CNTN2: variants seen among roughly 807,000 people sequenced by gnomAD.
CNTN2 encodes contactin 2, also known as contactin-2.
A neutral mutation model predicts 117.5 loss-of-function variants in CNTN2; 53 were observed. The ratio of observed to expected loss-of-function variants is 0.45; its 90% CI spans 0.36 to 0.57. CNTN2 has a LOEUF of 0.57. Among genes scored for constraint, CNTN2 ranks in the 20% least tolerant of loss-of-function variants. The pLI is 0.00. For synonymous variants in CNTN2, 530 were observed against 561.7 expected, an observed-to-expected ratio of 0.94 and a Z score of 0.80; for missense variants, 1,106 against 1,404.3, an observed-to-expected ratio of 0.79 and a Z score of 3.39.
intron 2 of CNTN2, among the ~76,000 whole-genome samples, chr1:205,055,220 G>T (rs573715235): frequency 6.6e-6 from 1 of 152,236 alleles, no homozygotes; most frequent in Middle Eastern, 3.4e-3. Context: ...CACCATGTTG[G>T]CCAGGCTGGT....
At chr1:205,057,872 T>C in intron 2 of CNTN2, 49 bp from the exon 3 acceptor site, 2 of 1,593,922 alleles carry the variant, frequency 1.3e-6, no homozygotes, top group Non-Finnish European at 8.6e-7. Context: ...GAGGCCAGGC[T>C]CCAGCCAGGC....
Position 205,061,306 on chromosome 1 carries a change from G to A in CNTN2, c.859G>A (p.Ala287Thr), listed in dbSNP as rs1653966883. ...CTCCCTGTCCCCGCAGTGGACCACA[G>A]CTGAGCCCACCCTGCAGATCCCCAG... is the stretch of plus-strand genomic sequence containing the variant. Reference protein sequence around the residue: ...DGSLSPQWTTAEPTLQIPSVS... With the variant: ...DGSLSPQWTTTEPTLQIPSVS... The change falls in exon 8 of 23, where the codon GCT becomes ACT. Residue 287 changes from alanine to threonine, a missense_variant. Coordinates refer to ENST00000331830, the MANE Select transcript of CNTN2 (RefSeq NM_005076.5). The surrounding 1 kb of genome is among the most constrained non-coding windows in gnomAD (Gnocchi z 4.8). 1 of 1,614,168 alleles carries A rather than the reference G, an allele frequency of 6.2e-7. No individual in the cohort carries two copies. Among genetic ancestry groups the A allele is most frequent in the East Asian group, 2.2e-5 (1 of 44,878 alleles).
At chr1:205,049,773 G>A (rs949066143) in intron 1 of CNTN2, among the ~76,000 whole-genome samples, 25 of 152,200 alleles carry the variant, frequency 1.6e-4, no homozygotes, top group African/African-American at 5.8e-4. Context: ...CAGTGCCAAC[G>A]GGGTGATTTT....
chr1:205,059,429 C>T lies in CNTN2; in HGVS notation c.697+136C>T, dbSNP rs959844341. On this transcript the variant is annotated intron_variant, in intron 6 of 22. Transcript: ENST00000331830. The surrounding 1 kb of genome is among the most constrained non-coding windows in gnomAD (Gnocchi z 5.6). ...CCAGGCCCTGGACCCCCAGATCCTC[C>T]TGCTTCAAATCCTGAGGCCCTTGCC... is the stretch of plus-strand genomic sequence containing the variant. 1 of 1,152,400 alleles carries T rather than the reference C, an allele frequency of 8.7e-7. No homozygotes were observed. Among genetic ancestry groups the T allele is most frequent in the Non-Finnish European group, 1.3e-6 (1 of 792,652 alleles). The allele number at this position is 1,152,400 out of a possible 1,614,324, so 71.4% of individuals were successfully genotyped here. A position where few individuals can be genotyped will look rare whatever the true frequency, so the allele number is the denominator to read the frequency against.
Position 205,059,787 on chromosome 1 carries a change from C to T in CNTN2, c.797+105C>T, listed in dbSNP as rs10793725. The T allele has an allele frequency of 0.43, 389,113 of 914,758 alleles. 92,074 individuals carry two copies. Among genetic ancestry groups the T allele is most frequent in the Non-Finnish European group, 0.51 (290,393 of 564,606 alleles). 56.7% of individuals were successfully genotyped at this position (914,758 alleles called of 1,614,324 possible). A position where few individuals can be genotyped will look rare whatever the true frequency, so the allele number is the denominator to read the frequency against. On this transcript the variant is annotated intron_variant, in intron 7 of 22. Transcript: ENST00000331830. This position sits in a 1 kb window ranked among gnomAD's most constrained non-coding sequence, Gnocchi z 5.6. ...AGGGCTCTTATCTTGGTGTCCCTCACAGGGTCTAGCAAAGTACTGGGCACA... is the reference window on the plus strand; with the variant it reads ...AGGGCTCTTATCTTGGTGTCCCTCATAGGGTCTAGCAAAGTACTGGGCACA...
At chr1:205,052,758 G>A (rs187954115) in intron 1 of CNTN2, among the ~76,000 whole-genome samples, 24 of 152,304 alleles carry the variant, frequency 1.6e-4, no homozygotes, top group Admixed American at 3.3e-4. Context: ...GTTCTCTTCC[G>A]GCCTCGCCTC....
At position 205,066,539 on chromosome 1, in the gene CNTN2, G is replaced by A. The variant is rs562711151; in HGVS notation, c.1915G>A (p.Ala639Thr). 69 of 1,614,130 alleles carry A rather than the reference G, an allele frequency of 4.3e-5. No homozygotes were observed. Among genetic ancestry groups the A allele is most frequent in the Non-Finnish European group, 5.2e-5 (61 of 1,180,044 alleles). Reference sequence around the variant, plus strand: ...TGGCTTCGACAACCACAGCCCCATCGCTAAGTACACCCTGCAAGCTCGCAC... The same window carrying A: ...TGGCTTCGACAACCACAGCCCCATCACTAAGTACACCCTGCAAGCTCGCAC... ...SRGFDNHSPIAKYTLQARTPP... is the reference protein window; with the variant it reads ...SRGFDNHSPITKYTLQARTPP... The change falls in exon 15 of 23, where the codon GCT becomes ACT. Residue 639 changes from alanine to threonine, a missense_variant. Physicochemically the swap from Ala to Thr is moderately conservative, Grantham distance 58 (BLOSUM62 0). Coordinates refer to ENST00000331830, the MANE Select transcript of CNTN2 (RefSeq NM_005076.5).
At position 205,058,283 on chromosome 1, in the gene CNTN2, CG is replaced by C; in HGVS notation, c.322del (p.Val108SerfsTer36). ...IMNPTKAQDAGVYQCLASNPV... is the reference protein window; with the variant it reads ...IMNPTKAQDAXVYQCLASNPV... ...TGAACCCCACCAAGGCACAGGATGCCGGGGTCTACCAGTGCCTGGCCTCCAA... is the reference window on the plus strand; with the variant it reads ...TGAACCCCACCAAGGCACAGGATGCCGGGTCTACCAGTGCCTGGCCTCCAA... On this transcript the variant is annotated frameshift_variant, in exon 4 of 23. Transcript: ENST00000331830. LOFTEE classifies it high-confidence loss of function. The surrounding 1 kb of genome is among the most constrained non-coding windows in gnomAD (Gnocchi z 4.3). 6.5e-7 allele frequency: 1 copy of C among 1,534,812 alleles called. No individual in the cohort carries two copies. The highest frequency in any genetic ancestry group is 8.8e-7 in the Non-Finnish European group (1 of 1,140,636).
Position 205,073,365 on chromosome 1 carries a change from C to T in CNTN2, c.3013+129C>T, listed in dbSNP as rs145154733. 8.5e-7 allele frequency: 1 copy of T among 1,183,200 alleles called. No homozygotes were observed. The highest frequency in any genetic ancestry group is 1.2e-6 in the Non-Finnish European group (1 of 842,014). The allele number at this position is 1,183,200 out of a possible 1,614,324, so 73.3% of individuals were successfully genotyped here. On this transcript the variant is annotated intron_variant, in intron 22 of 22. Transcript: ENST00000331830. The surrounding 1 kb of genome is among the most constrained non-coding windows in gnomAD (Gnocchi z 6.3). ...AGGAAAGTGGAAGGCAGGCAGGAAC[C>T]AAGTGCAAAGTAGTCTTAGAACTGC...
At position 205,047,645 on chromosome 1, in the gene CNTN2, G is replaced by A. The variant is rs572711107; in HGVS notation, c.-87+4251G>A. ...CCTATGACCATTGCACCTTTGAGGC[G>A]TAAGAGGAGGGAGGCACCTGCCCAG... On this transcript the variant is annotated intron_variant, in intron 1 of 22. Coordinates refer to ENST00000331830, the MANE Select transcript of CNTN2 (RefSeq NM_005076.5). Among the ~76,000 whole-genome samples the A allele has an allele frequency of 1.1e-4, 17 of 152,270 alleles. No homozygotes were observed. In the South Asian group the frequency reaches 2.7e-3, roughly 24 times the overall value.
At position 205,070,202 on chromosome 1, in the gene CNTN2, C is replaced by T. The variant is rs1041943958; in HGVS notation, c.2431+141C>T. Reference sequence around the variant, plus strand: ...GACACCTGGGTTCCACATCATTGGCCTCACTTCCAGCTCTTGCTACCTTGT... The same window carrying T: ...GACACCTGGGTTCCACATCATTGGCTTCACTTCCAGCTCTTGCTACCTTGT... On this transcript the variant is annotated intron_variant, in intron 18 of 22. Coordinates refer to ENST00000331830, the MANE Select transcript of CNTN2 (RefSeq NM_005076.5). The T allele has an allele frequency of 9.5e-6, 8 of 844,248 alleles. No homozygotes were observed. The African/African-American group carries it at 1.0e-4, about 11-fold the overall frequency. 52.3% of individuals were successfully genotyped at this position (844,248 alleles called of 1,614,324 possible).
In CNTN2 at chr1:205,058,677, T is replaced by G; in HGVS notation, c.487+14T>G. 1 of 1,606,890 alleles carries G rather than the reference T, an allele frequency of 6.2e-7. No homozygotes were observed. Among genetic ancestry groups the G allele is most frequent in the Non-Finnish European group, 8.5e-7 (1 of 1,174,918 alleles). On this transcript the variant is annotated intron_variant, in intron 5 of 22. Transcript: ENST00000331830. The surrounding 1 kb of genome is among the most constrained non-coding windows in gnomAD (Gnocchi z 4.3). ...CCCACTACCCAGGTGAGTCCAGACC[T>G]GGGGCCAGGGTTAGAGAGGGCACAG...
Position 205,072,606 on chromosome 1 carries a change from A to C in CNTN2, c.2844+11A>C, listed in dbSNP as rs377297728. On this transcript the variant is annotated intron_variant, in intron 21 of 22. Coordinates refer to ENST00000331830, the MANE Select transcript of CNTN2 (RefSeq NM_005076.5). ...GTCACCGGCTATAAGGTGAGGAAGC[A>C]ATCAGCTAGGCCCAGAATGGGAAGG... is the stretch of plus-strand genomic sequence containing the variant. The C allele has an allele frequency of 4.2e-5, 67 of 1,589,950 alleles. No individual in the cohort carries two copies. In the African/African-American group the frequency reaches 7.2e-4, roughly 17 times the overall value.
At chr1:205,044,644 C>G (rs2096438208) in intron 1 of CNTN2, among the ~76,000 whole-genome samples, 1 of 152,214 alleles carries the variant, frequency 6.6e-6, no homozygotes, top group Non-Finnish European at 1.5e-5. Context: ...TCGGCCTCCT[C>G]TCCCAACCGT....
In CNTN2 at chr1:205,065,244, C is replaced by T. The variant is rs770974958; in HGVS notation, c.1677C>T (p.His559=). The T allele has an allele frequency of 3.7e-6, 6 of 1,614,050 alleles. No homozygotes were observed. The African/African-American group carries it at 6.7e-5, about 18-fold the overall frequency. Residue 559 remains histidine (H), a synonymous_variant, in exon 13 of 23, where the codon CAC becomes CAT. Transcript: ENST00000331830. This position sits in a 1 kb window ranked among gnomAD's most constrained non-coding sequence, Gnocchi z 4.1. ...TCGACTTTGATAAGCCTGGAGGGCA[C>T]TACCGGAGAACTAATGTGGTGAGAC... The part of the protein sequence containing the change: ...FPIDFDKPGG[H]YRRTNVKETI...
Position 205,061,858 on chromosome 1 carries a change from C to T in CNTN2, c.974-7C>T. 1.3e-6 allele frequency: 2 copies of T among 1,509,638 alleles called. No individual in the cohort carries two copies. The highest frequency in any genetic ancestry group is 1.8e-6 in the Non-Finnish European group (2 of 1,128,460). 93.5% of individuals were successfully genotyped at this position (1,509,638 alleles called of 1,614,324 possible). On this transcript the variant is annotated splice_polypyrimidine_tract_variant and splice_region_variant and intron_variant, in intron 8 of 22. Transcript: ENST00000331830. This position sits in a 1 kb window ranked among gnomAD's most constrained non-coding sequence, Gnocchi z 4.8. ...CATGCCAGGTTTTCTTTTCCGGGCTCCCACAGCTCAGCCTGAGTGGCTAAA... is the reference window on the plus strand; with the variant it reads ...CATGCCAGGTTTTCTTTTCCGGGCTTCCACAGCTCAGCCTGAGTGGCTAAA...
In CNTN2 at chr1:205,073,422, A is replaced by G; in HGVS notation, c.3013+186A>G. 1 of 818,656 alleles carries G rather than the reference A, an allele frequency of 1.2e-6. No individual in the cohort carries two copies. The highest frequency in any genetic ancestry group is 2.7e-5 in the East Asian group (1 of 37,290). 50.7% of individuals were successfully genotyped at this position (818,656 alleles called of 1,614,324 possible). A position where few individuals can be genotyped will look rare whatever the true frequency, so the allele number is the denominator to read the frequency against. Reference sequence around the variant, plus strand: ...GCCACCTTTCTACCCAGCCCCCAGAACATCCCCGAGGGCCAGGGAAGGGCG... The same window carrying G: ...GCCACCTTTCTACCCAGCCCCCAGAGCATCCCCGAGGGCCAGGGAAGGGCG... On this transcript the variant is annotated intron_variant, in intron 22 of 22. Coordinates refer to ENST00000331830, the MANE Select transcript of CNTN2 (RefSeq NM_005076.5). The surrounding 1 kb of genome is among the most constrained non-coding windows in gnomAD (Gnocchi z 6.3).
At chr1:205,071,402 A>T (rs1284988255) in intron 19 of CNTN2, among the ~76,000 whole-genome samples, 1 of 152,226 alleles carries the variant, frequency 6.6e-6, no homozygotes, top group Admixed American at 6.5e-5. Flanking sequence ...GCACAAGTTC[A>T]TTCTAGTAGA....
Position 205,059,778 on chromosome 1 carries a change from T to C in CNTN2, c.797+96T>C. On this transcript the variant is annotated intron_variant, in intron 7 of 22. Transcript: ENST00000331830. The surrounding 1 kb of genome is among the most constrained non-coding windows in gnomAD (Gnocchi z 5.6). The stretch of plus-strand genomic sequence containing the variant: ...GGCAGAGTCAGGGCTCTTATCTTGG[T>C]GTCCCTCACAGGGTCTAGCAAAGTA... 9.8e-7 allele frequency: 1 copy of C among 1,025,468 alleles called. No individual in the cohort carries two copies. Among genetic ancestry groups the C allele is most frequent in the East Asian group, 2.4e-5 (1 of 41,716 alleles). 63.5% of individuals were successfully genotyped at this position (1,025,468 alleles called of 1,614,324 possible). A position where few individuals can be genotyped will look rare whatever the true frequency, so the allele number is the denominator to read the frequency against.
Sources: gnomAD v4.1 joint callset for allele counts (sites outside exome capture counted in the v4.1 genomes callset) on GRCh38, gnomAD v4.1.1 for gene constraint, Gnocchi (gnomAD v3.1) non-coding constraint, MANE v1.5 for transcripts, NCBI Gene and HGNC (gene_info 2026-07-23, HGNC 2026-07-21) for gene names.